The following ZBTB32 variants were observed in gnomAD, a reference collection of about 807,000 sequenced individuals.
The protein encoded by ZBTB32 is zinc finger and BTB domain-containing protein 32.
ZBTB32 carries 28 observed loss-of-function variants against 45.3 expected under a neutral mutation model. That is an observed-to-expected ratio of 0.62 (90% CI 0.46 to 0.85). ZBTB32 has a LOEUF of 0.85. Among genes scored for constraint, ZBTB32 ranks in the 40% least tolerant of loss-of-function variants. ZBTB32 has a pLI of 0.00. For synonymous variants in ZBTB32, 283 were observed against 255.7 expected (o/e 1.11, Z -1.02); for missense variants, 587 against 624.4 (o/e 0.94, Z 0.64).
chr19:35,707,911 G>A (rs989835219), intron 1 of ZBTB32, among the ~76,000 whole-genome samples: 21 of 152,054 alleles, frequency 1.4e-4, no homozygotes, highest in Admixed American at 1.0e-3. Context: ...GAACCTGGGA[G>A]GCAGAGGTTG....
At position 35,714,516 on chromosome 19, in the gene ZBTB32, T is replaced by C; in HGVS notation, c.-104-7T>C. ...GCAACTCACACCCTCTCCCCTCACA[T>C]CCACAGGCTTGAAATGAGATGAGAT... is the stretch of plus-strand genomic sequence containing the variant. On this transcript the variant is annotated splice_region_variant and splice_polypyrimidine_tract_variant and intron_variant, in intron 2 of 6. Transcript: ENST00000392197. 8.0e-7 allele frequency: 1 copy of C among 1,252,024 alleles called. No homozygotes were observed. Among genetic ancestry groups the C allele is most frequent in the East Asian group, 2.6e-5 (1 of 38,140 alleles). The allele number at this position is 1,252,024 out of a possible 1,614,324, so 77.6% of individuals were successfully genotyped here.
At chr19:35,707,369 CT>C (rs35043509) in intron 1 of ZBTB32, among the ~76,000 whole-genome samples, 392 of 119,608 alleles carry the variant, frequency 3.3e-3, no homozygotes, top group Middle Eastern at 9.2e-3. Flanking sequence ...CTACCATTTT[CT>C]TTTTTTTTTT....
intron 1 of ZBTB32, among the ~76,000 whole-genome samples, chr19:35,707,434 A>C (rs1260970547): frequency 7.4e-6 from 1 of 135,456 alleles, no homozygotes; most frequent in African/African-American, 2.9e-5. Flanking sequence ...CAGTGGTGTG[A>C]TCTTGGCTCA....
intron 1 of ZBTB32, among the ~76,000 whole-genome samples, chr19:35,708,195 A>G (rs1277442269): frequency 1.3e-5 from 2 of 152,040 alleles, no homozygotes; most frequent in African/African-American, 4.8e-5. Context: ...CAGTCTACAA[A>G]TCCCTTACAC....
In ZBTB32 at chr19:35,714,580, G is replaced by A; in HGVS notation, c.-47G>A. The A allele has an allele frequency of 1.3e-6, 2 of 1,483,026 alleles. No individual in the cohort carries two copies. Among genetic ancestry groups the A allele is most frequent in the South Asian group, 2.8e-5 (2 of 70,292 alleles). The allele number at this position is 1,483,026 out of a possible 1,614,324, so 91.9% of individuals were successfully genotyped here. A position where few individuals can be genotyped will look rare whatever the true frequency, so the allele number is the denominator to read the frequency against. On this transcript the variant is annotated 5_prime_UTR_variant, in exon 3 of 7. It introduces an in-frame stop codon into an upstream open reading frame of the 5' UTR. Transcript: ENST00000392197. ...CTTTCAACCATGGACCTCACACTGT[G>A]GACTTCCTCTTAGAGCCTCTGAGTT...
chr19:35,716,036 AG>A, intron 5 of ZBTB32, 29 bp downstream of exon 5: 1 of 1,611,118 alleles, frequency 6.2e-7, no homozygotes, highest in Non-Finnish European at 8.5e-7. Flanking sequence ...CTCGTGCCTC[AG>A]CCCCACTGTA....
rs111343854 is a variant in ZBTB32 at position 35,711,856 on chromosome 19, C to T, written c.-221-1061C>T. On this transcript the variant is annotated intron_variant, in intron 1 of 6. Transcript: ENST00000392197. ...CCTGGCCAACATGGCGAAACCCTGTCACTACTAAAAGTACAAAAATTAGCC... is the reference window on the plus strand; with the variant it reads ...CCTGGCCAACATGGCGAAACCCTGTTACTACTAAAAGTACAAAAATTAGCC... Among the ~76,000 whole-genome samples, 1,506 of 151,814 alleles carry T rather than the reference C, an allele frequency of 9.9e-3. 25 individuals are homozygous for T. The highest frequency in any genetic ancestry group is 0.035 in the African/African-American group (1,459 of 41,354).
chr19:35,713,158 G>A (rs751185048), intron 2 of ZBTB32, 125 bp downstream of exon 2: 4 of 152,182 alleles, frequency 2.6e-5, no homozygotes, highest in Non-Finnish European at 5.9e-5. Context: ...TTATTCCAAG[G>A]TCCTTGCTGC....
chr19:35,716,601 C>G lies in ZBTB32; in HGVS notation c.1313C>G (p.Pro438Arg), dbSNP rs267605435. The change falls in exon 7 of 7, where the codon CCC becomes CGC. Residue 438 changes from proline (P) to arginine (R), a missense_variant. Transcript: ENST00000392197. ...TGCTCCCTGTGCGGGGCCGGCTGTC[C>G]CAGCCTGGCCTCCATGCAGGCGCAC... ...YRCSLCGAGC[P>R]SLASMQAHMR... The G allele has an allele frequency of 6.2e-7, 1 of 1,613,312 alleles. No homozygotes were observed. Among genetic ancestry groups the G allele is most frequent in the Non-Finnish European group, 8.5e-7 (1 of 1,179,936 alleles).
intron 1 of ZBTB32, among the ~76,000 whole-genome samples, chr19:35,710,492 C>G (rs994359100): frequency 1.3e-5 from 2 of 152,086 alleles, no homozygotes; most frequent in African/African-American, 4.8e-5. Context: ...AGCAACAGAC[C>G]AGGCATGGTG....
At position 35,714,681 on chromosome 19, in the gene ZBTB32, C is replaced by T. The variant is rs777254528; in HGVS notation, c.55C>T (p.Gln19Ter). 6.2e-7 allele frequency: 1 copy of T among 1,602,822 alleles called. No homozygotes were observed. Among genetic ancestry groups the T allele is most frequent in the Non-Finnish European group, 8.5e-7 (1 of 1,172,862 alleles). ...PSPYGSDRLV[Q>*]LAARLRPALC... ...CCCCTATGGCTCTGATCGGCTGGTA[C>T]AGCTAGCAGCCAGGCTCCGGCCAGC... Residue 19 changes from glutamine (Q) to a stop codon, truncating the protein, a stop_gained, in exon 3 of 7, where the codon CAG becomes TAG. Transcript: ENST00000392197. LOFTEE classifies it high-confidence loss of function.
In ZBTB32 at chr19:35,716,749, C is replaced by T. The variant is rs1410364458; in HGVS notation, c.1461C>T (p.Thr487=). The T allele has an allele frequency of 3.1e-6, 5 of 1,599,730 alleles. No homozygotes were observed. Among genetic ancestry groups the T allele is most frequent in the African/African-American group, 1.3e-5 (1 of 74,804 alleles). The change falls in exon 7 of 7, where the codon ACC becomes ACT. Residue 487 remains threonine, a synonymous_variant. Coordinates refer to ENST00000392197, the MANE Select transcript of ZBTB32 (RefSeq NM_014383.3). ...CCTGTTGTCCTTCTTCCTCCACCAC[C>T]TGACGGGGTGTCGGTAGCGTCTTAG... ...TSPCCPSSST[T]
Position 35,715,357 on chromosome 19 carries a change from C to T in ZBTB32, c.731C>T (p.Thr244Ile), listed in dbSNP as rs746174419. 2 of 1,611,646 alleles carry T rather than the reference C, an allele frequency of 1.2e-6. No homozygotes were observed. The highest frequency in any genetic ancestry group is 2.7e-5 in the African/African-American group (2 of 74,802). The change falls in exon 3 of 7, where the codon ACC becomes ATC. Residue 244 changes from threonine (T) to isoleucine (I), a missense_variant. Thr to Ile is a moderately conservative substitution (Grantham distance 89). Coordinates refer to ENST00000392197, the MANE Select transcript of ZBTB32 (RefSeq NM_014383.3). Reference protein sequence around the residue: ...PPAGSLQTSVTPRPSWAEAPW... With the variant: ...PPAGSLQTSVIPRPSWAEAPW... ...GCAGGCTCCCTGCAAACCAGCGTCA[C>T]CCCTAGGCCCTCGTGGGCTGAGGCC...
intron 1 of ZBTB32, among the ~76,000 whole-genome samples, chr19:35,708,512 T>C (rs1224336160): frequency 6.6e-6 from 1 of 152,156 alleles, no homozygotes; most frequent in East Asian, 1.9e-4. Context: ...TGTGAGGAAA[T>C]TGAGGGTCTT....
chr19:35,708,235 A>G (rs1568357494), intron 1 of ZBTB32, among the ~76,000 whole-genome samples: 1 of 152,272 alleles, frequency 6.6e-6, no homozygotes. Flanking sequence ...TGTGTACATC[A>G]GTCAGAGTCC....
At position 35,714,762 on chromosome 19, in the gene ZBTB32, G is replaced by A; in HGVS notation, c.136G>A (p.Val46Met). 4.3e-6 allele frequency: 7 copies of A among 1,614,180 alleles called. No homozygotes were observed. The highest frequency in any genetic ancestry group is 5.1e-6 in the Non-Finnish European group (6 of 1,180,030). The change falls in exon 3 of 7, where the codon GTG (valine) becomes ATG (methionine). Residue 46 changes from valine (V) to methionine (M), a missense_variant. Val to Met is a conservative substitution (Grantham distance 21, BLOSUM62 1). Transcript: ENST00000392197. ...GSQEFPAHSL[V>M]LAGVSQQLGR... Reference sequence around the variant, plus strand: ...CCAGGAGTTCCCCGCCCACAGCCTGGTGCTAGCAGGTGTCAGCCAGCAGCT... The same window carrying A: ...CCAGGAGTTCCCCGCCCACAGCCTGATGCTAGCAGGTGTCAGCCAGCAGCT...
At position 35,715,225 on chromosome 19, in the gene ZBTB32, T is replaced by C. The variant is rs749514335; in HGVS notation, c.599T>C (p.Val200Ala). Residue 200 changes from valine to alanine, a missense_variant, in exon 3 of 7, where the codon GTT (valine) becomes GCT (alanine). Coordinates refer to ENST00000392197, the MANE Select transcript of ZBTB32 (RefSeq NM_014383.3). ...RSKEKRLQAP[V>A]GQRGADGKHG... ...AAGGAGAAACGCCTCCAAGCCCCTG[T>C]TGGCCAAAGGGGAGCAGATGGGAAG... The C allele has an allele frequency of 9.3e-6, 15 of 1,605,780 alleles. No individual in the cohort carries two copies. Among genetic ancestry groups the C allele is most frequent in the Non-Finnish European group, 8.5e-6 (10 of 1,177,728 alleles).
At chr19:35,705,414 G>A (rs964047782) in intron 1 of ZBTB32, among the ~76,000 whole-genome samples, 1 of 152,142 alleles carries the variant, frequency 6.6e-6, no homozygotes, top group African/African-American at 2.4e-5. Context: ...GGTCTTTGGA[G>A]CCAGCCTGGG....
In ZBTB32 at chr19:35,715,301, T is replaced by C; in HGVS notation, c.675T>C (p.Ser225=). The C allele has an allele frequency of 6.3e-7, 1 of 1,584,210 alleles. No homozygotes were observed. The highest frequency in any genetic ancestry group is 8.6e-7 in the Non-Finnish European group (1 of 1,166,788). ...LRENPGGSEE[S]LRKLPGPLPP... ...AAAATCCAGGGGGCTCTGAGGAAAG[T>C]CTGCGCAAGCTCCCTGGCCCCCTTC... Residue 225 remains serine, a synonymous_variant, in exon 3 of 7, where the codon AGT becomes AGC. Transcript: ENST00000392197.
Sources: gnomAD v4.1 joint callset for allele counts (sites outside exome capture counted in the v4.1 genomes callset) on GRCh38, gnomAD v4.1.1 for gene constraint, MANE v1.5 for transcripts, NCBI Gene and HGNC (gene_info 2026-07-23, HGNC 2026-07-21) for gene names.